Variants in MTCH2 observed in about 807,000 individuals in gnomAD.
MTCH2 encodes the protein mitochondrial carrier 2, also known as mitochondrial carrier homolog 2.
In MTCH2, 25 loss-of-function variants were observed where a neutral mutation model predicts 50.6. The observed-to-expected ratio is 0.49, with a 90% CI of 0.36 to 0.69. The LOEUF (loss-of-function observed/expected upper bound fraction) is 0.69, where lower values mean the gene tolerates loss of function less well. Among genes scored for constraint, MTCH2 ranks in the 30% least tolerant of loss-of-function variants. The pLI is 0.00. For missense variants in MTCH2, 273 were observed against 384.4 expected (o/e 0.71, Z 2.42); for synonymous variants, 106 against 132.0 (o/e 0.80, Z 1.35).
chr11:47,640,700 A>G (rs1379430578), intron 1 of MTCH2, among the ~76,000 whole-genome samples: 1 of 152,172 alleles, frequency 6.6e-6, no homozygotes, highest in Non-Finnish European at 1.5e-5. Context: ...TACAGGCGTG[A>G]GCCACCGTGC....
At position 47,618,647 on chromosome 11, in the gene MTCH2, G is replaced by A. The variant is rs150317377; in HGVS notation, c.*186C>T. On this transcript the variant is annotated 3_prime_UTR_variant, in exon 13 of 13. Coordinates refer to ENST00000302503, the MANE Select transcript of MTCH2 (RefSeq NM_014342.4). ...TCCTAATTCAGAATAACTAAAGGGG[G>A]AGTATCAGTGGTAAGTTATGTTGTG... 122 of 625,300 alleles carry A rather than the reference G, an allele frequency of 2.0e-4. No homozygotes were observed. In the African/African-American group the frequency reaches 2.2e-3, roughly 11 times the overall value. 38.7% of individuals were successfully genotyped at this position (625,300 alleles called of 1,614,324 possible).
downstream of MTCH2, among the ~76,000 whole-genome samples, chr11:47,614,878 T>C (rs902514485): frequency 5.9e-5 from 9 of 152,130 alleles, no homozygotes; most frequent in Middle Eastern, 3.4e-3. Context: ...GCACCCAGTC[T>C]TTTATTTTAA....
the MTCH2 span, among the ~76,000 whole-genome samples, chr11:47,604,915 A>G: frequency 2.6e-5 from 4 of 151,962 alleles, no homozygotes; most frequent in Admixed American, 6.6e-5. Context: ...TATGTCTCCC[A>G]TATTTTTCTT....
At chr11:47,630,418 G>T in intron 8 of MTCH2, 137 bp downstream of exon 8, 1 of 740,512 alleles carries the variant, frequency 1.4e-6, no homozygotes, top group Non-Finnish European at 2.3e-6. Context: ...AAAAATAAGG[G>T]GCCTAAATAG....
At chr11:47,623,908 C>T (rs1344723807) in intron 11 of MTCH2, among the ~76,000 whole-genome samples, 1 of 151,994 alleles carries the variant, frequency 6.6e-6, no homozygotes, top group African/African-American at 2.4e-5. Context: ...AGAAATTAGC[C>T]GGGGGTGGTG....
chr11:47,632,609 C>T (rs533009598), intron 5 of MTCH2, among the ~76,000 whole-genome samples: 22 of 152,208 alleles, frequency 1.4e-4, no homozygotes, highest in South Asian at 6.2e-4. Context: ...CCGCCCGCCT[C>T]GGCCTCCCAA....
chr11:47,609,641 A>C, the MTCH2 span, among the ~76,000 whole-genome samples: 1 of 150,502 alleles, frequency 6.6e-6, no homozygotes, highest in Non-Finnish European at 1.5e-5. Flanking sequence ...AAAAAAAAAA[A>C]AAAAAAAAAA....
chr11:47,619,629 C>G (rs1467348677), intron 12 of MTCH2, among the ~76,000 whole-genome samples: 3 of 152,028 alleles, frequency 2.0e-5, no homozygotes, highest in Admixed American at 6.6e-5. Flanking sequence ...ATAGTAAGAC[C>G]CCATCTCTAC....
intron 2 of MTCH2, 25 bp from the exon 3 acceptor site, chr11:47,638,830 G>A: frequency 6.2e-7 from 1 of 1,607,770 alleles, no homozygotes. Context: ...CAGAGATGTT[G>A]TCAAGTTCTG....
At chr11:47,627,466 GT>G (rs1565967085) in intron 9 of MTCH2, among the ~76,000 whole-genome samples, 1 of 151,586 alleles carries the variant, frequency 6.6e-6, no homozygotes, top group Non-Finnish European at 1.5e-5. Flanking sequence ...AAGAGACGGT[GT>G]CTTGCTATGT....
At chr11:47,621,755 C>G (rs1421621928) in intron 12 of MTCH2, among the ~76,000 whole-genome samples, 1 of 151,112 alleles carries the variant, frequency 6.6e-6, no homozygotes, top group South Asian at 2.1e-4. Flanking sequence ...TGTTAAGAGA[C>G]ACGTCTGGCT....
downstream of MTCH2, among the ~76,000 whole-genome samples, chr11:47,615,816 G>C (rs375173758): frequency 6.6e-4 from 100 of 151,078 alleles, 1 homozygote; most frequent in African/African-American, 2.4e-3. Context: ...AGTAGAGACA[G>C]GGTTTCACCA....
chr11:47,641,941 C>T (rs960550114), intron 1 of MTCH2, among the ~76,000 whole-genome samples: 2 of 152,208 alleles, frequency 1.3e-5, no homozygotes, highest in Non-Finnish European at 2.9e-5. Flanking sequence ...ATGTTGGTTC[C>T]CACCTAACTT....
rs569087806 is a variant in MTCH2 at position 47,625,471 on chromosome 11, G to A, written c.749+203C>T. Among the ~76,000 whole-genome samples the A allele has an allele frequency of 1.9e-3, 291 of 151,134 alleles. 1 individual carries two copies. The highest frequency in any genetic ancestry group is 0.014 in the Middle Eastern group (4 of 292). On this transcript the variant is annotated intron_variant, in intron 11 of 12. Transcript: ENST00000302503. Reference sequence around the variant, plus strand: ...TAATTAATAAATAAATACAAATTGAGGCTGCTGCTGCATAGGGCATACAAA... The same window carrying A: ...TAATTAATAAATAAATACAAATTGAAGCTGCTGCTGCATAGGGCATACAAA...
chr11:47,618,774 T>C lies in MTCH2; in HGVS notation c.*59A>G, dbSNP rs1372524233. On this transcript the variant is annotated 3_prime_UTR_variant, in exon 13 of 13. Transcript: ENST00000302503. The stretch of plus-strand genomic sequence containing the variant: ...CCACACTGTATAGAAATCAACATTC[T>C]CTCCCATAATTCTGTGCATCTGGGA... 1 of 1,487,102 alleles carries C rather than the reference T, an allele frequency of 6.7e-7. No individual in the cohort carries two copies. The highest frequency in any genetic ancestry group is 1.7e-5 in the Admixed American group (1 of 59,764). The allele number at this position is 1,487,102 out of a possible 1,614,324, so 92.1% of individuals were successfully genotyped here. A position where few individuals can be genotyped will look rare whatever the true frequency, so the allele number is the denominator to read the frequency against.
intron 12 of MTCH2, among the ~76,000 whole-genome samples, chr11:47,621,906 G>A (rs1429172434): frequency 6.6e-6 from 1 of 152,044 alleles, no homozygotes; most frequent in East Asian, 1.9e-4. Context: ...GTCTCACTCT[G>A]TCACCCAGGC....
intron 3 of MTCH2, 71 bp downstream of exon 3, chr11:47,638,628 G>C: frequency 1.1e-6 from 1 of 938,880 alleles, no homozygotes; most frequent in Admixed American, 3.1e-5. Context: ...AATTGCTCTT[G>C]ATATTTAGAA....
chr11:47,604,416 G>A, the MTCH2 span, among the ~76,000 whole-genome samples: 1 of 152,128 alleles, frequency 6.6e-6, no homozygotes. Flanking sequence ...TTAGTAGGAG[G>A]GTAAAATGAC....
intron 11 of MTCH2, among the ~76,000 whole-genome samples, chr11:47,624,095 G>A (rs142659328): frequency 2.0e-5 from 3 of 152,148 alleles, no homozygotes; most frequent in Non-Finnish European, 2.9e-5. Flanking sequence ...AGCCAGGCAT[G>A]CTGGTGGGCA....
Sources: allele counts gnomAD v4.1 joint callset (sites outside exome capture counted in the v4.1 genomes callset), GRCh38; gene constraint gnomAD v4.1.1; transcripts MANE v1.5; gene names NCBI Gene and HGNC (gene_info 2026-07-23, HGNC 2026-07-21).